GAREM1: variants seen among roughly 807,000 people sequenced by gnomAD.
GAREM1 encodes GRB2-associated and regulator of MAPK protein 1.
GAREM1 carries 26 observed loss-of-function variants against 71.3 expected under a neutral mutation model. The observed-to-expected ratio is 0.36, with a 90% CI of 0.27 to 0.51. GAREM1 has a LOEUF of 0.51. Ranked by LOEUF, GAREM1 falls within the 20% of genes least tolerant of loss-of-function variation. GAREM1 has a pLI of 0.95. For missense variants in GAREM1, 1,026 were observed against 1,103.1 expected (o/e 0.93, Z 0.99); for synonymous variants, 440 against 433.2 (o/e 1.02, Z -0.20).
chr18:32,365,446 T>C (rs2047921285), intron 2 of GAREM1, among the ~76,000 whole-genome samples: 1 of 152,184 alleles, frequency 6.6e-6, no homozygotes, highest in Admixed American at 6.5e-5. Context: ...TACATATCAA[T>C]GAGATTTCCT....
intron 4 of GAREM1, among the ~76,000 whole-genome samples, chr18:32,279,590 CA>C (rs1835734125): frequency 6.6e-6 from 1 of 152,106 alleles, no homozygotes; most frequent in African/African-American, 2.4e-5. Flanking sequence ...TCAGGGCTCC[CA>C]CTGATTCTAC....
At chr18:32,411,971 C>T (rs1226302259) in intron 1 of GAREM1, among the ~76,000 whole-genome samples, 3 of 152,038 alleles carry the variant, frequency 2.0e-5, no homozygotes, top group Non-Finnish European at 4.4e-5. Context: ...CATTAAAACG[C>T]TTTGTTGGAA....
chr18:32,458,524 T>A (rs1312309790), intron 1 of GAREM1, among the ~76,000 whole-genome samples: 1 of 152,004 alleles, frequency 6.6e-6, no homozygotes, highest in African/African-American at 2.4e-5. Context: ...TTATGAACAT[T>A]GACTGCTGAA....
intron 3 of GAREM1, among the ~76,000 whole-genome samples, chr18:32,301,196 C>T (rs978785210): frequency 2.6e-5 from 4 of 152,240 alleles, no homozygotes; most frequent in South Asian, 2.1e-4. Context: ...TTAGTCATGT[C>T]GGTGTATCTT....
chr18:32,305,324 A>G lies in GAREM1; in HGVS notation c.393+4869T>C, dbSNP rs189210982. On this transcript the variant is annotated intron_variant, in intron 3 of 5. Transcript: ENST00000269209. ...CCACCCCAGCTGCTCACTCAAATGG[A>G]CATACTTAGATCAGAAAATAAAGCT... is the stretch of plus-strand genomic sequence containing the variant. Among the ~76,000 whole-genome samples, 267 of 152,234 alleles carry G rather than the reference A, an allele frequency of 1.8e-3. 1 individual carries two copies. The highest frequency in any genetic ancestry group is 6.4e-3 in the African/African-American group (264 of 41,528).
chr18:32,338,655 A>G (rs1428121368), intron 2 of GAREM1, among the ~76,000 whole-genome samples: 1 of 152,210 alleles, frequency 6.6e-6, no homozygotes, highest in Non-Finnish European at 1.5e-5. Context: ...TGGACACTTG[A>G]CATTTAAGCT....
chr18:32,269,097 C>CA (rs1167601038), intron 5 of GAREM1, among the ~76,000 whole-genome samples: 4 of 151,990 alleles, frequency 2.6e-5, no homozygotes, highest in African/African-American at 9.7e-5. Flanking sequence ...CAACAGGTGC[C>CA]ATGATTGATG....
At position 32,268,317 on chromosome 18, in the gene GAREM1, C is replaced by A. The variant is rs745343515; in HGVS notation, c.2185G>T (p.Ala729Ser). The change falls in exon 6 of 6, where the codon GCT becomes TCT. Residue 729 changes from alanine (A) to serine (S), a missense_variant. Around this residue, in one of 3 missense-constraint regions of GAREM1, gnomAD observed 636 missense variants for 631.2 expected, o/e 1.01. Coordinates refer to ENST00000269209, the MANE Select transcript of GAREM1 (RefSeq NM_001242409.2). ...ACCTTCTCTTCCACTAGTTTTGGAG[C>A]CCTGGGGGGTAAGGCAGGGCATGAC... is the stretch of plus-strand genomic sequence containing the variant. ...STSCPALPPR[A>S]PKLVEEKVAS... 6.2e-7 allele frequency: 1 copy of A among 1,614,098 alleles called. No individual in the cohort carries two copies. Among genetic ancestry groups the A allele is most frequent in the Non-Finnish European group, 8.5e-7 (1 of 1,180,018 alleles).
At chr18:32,467,868 A>G (rs1347857726) in intron 1 of GAREM1, among the ~76,000 whole-genome samples, 13 of 152,172 alleles carry the variant, frequency 8.5e-5, no homozygotes, top group Admixed American at 8.5e-4. Flanking sequence ...CACCTATAAC[A>G]TTTATAAATA....
chr18:32,274,827 T>C (rs766406314), intron 4 of GAREM1, among the ~76,000 whole-genome samples: 1 of 152,098 alleles, frequency 6.6e-6, no homozygotes, highest in Non-Finnish European at 1.5e-5. Flanking sequence ...AGCTAAAATG[T>C]AGGGACTGCC....
intron 3 of GAREM1, among the ~76,000 whole-genome samples, chr18:32,303,133 T>C (rs2047216661): frequency 6.6e-6 from 1 of 152,216 alleles, no homozygotes; most frequent in Non-Finnish European, 1.5e-5. Context: ...AACTTGTTAC[T>C]TTGCCTCTGA....
rs114495343 is a variant in GAREM1, at chr18:32,303,563, A to G, written c.393+6630T>C. On this transcript the variant is annotated intron_variant, in intron 3 of 5. Transcript: ENST00000269209. ...TGAAGGGGTATTTCGAAACCACAACAAAGAACAGCTACTATGTACTGAGTT... is the reference window on the plus strand; with the variant it reads ...TGAAGGGGTATTTCGAAACCACAACGAAGAACAGCTACTATGTACTGAGTT... 3.6e-3 allele frequency among the ~76,000 whole-genome samples: 541 copies of G among 152,294 alleles called. 2 individuals are homozygous for G. The highest frequency in any genetic ancestry group is 0.012 in the African/African-American group (519 of 41,576).
intron 2 of GAREM1, among the ~76,000 whole-genome samples, chr18:32,317,718 T>C (rs544680365): frequency 2.0e-5 from 3 of 148,382 alleles, no homozygotes; most frequent in Admixed American, 6.7e-5. Flanking sequence ...TTTTAAAGAA[T>C]GTAACATTCT....
In GAREM1 at chr18:32,387,429, G is replaced by A. The variant is rs147830937; in HGVS notation, c.262+5466C>T. 3.1e-3 allele frequency among the ~76,000 whole-genome samples: 479 copies of A among 152,254 alleles called. 4 individuals carry two copies. The highest frequency in any genetic ancestry group is 0.011 in the African/African-American group (460 of 41,536). On this transcript the variant is annotated intron_variant, in intron 2 of 5. Transcript: ENST00000269209. ...TCTTGAGTTCTGTATTGTACATTTC[G>A]TAGGAAAGGTTTGCCCCTTTGGTAG...
chr18:32,364,980 G>A (rs2047916009), intron 2 of GAREM1, among the ~76,000 whole-genome samples: 1 of 152,080 alleles, frequency 6.6e-6, no homozygotes, highest in Non-Finnish European at 1.5e-5. Flanking sequence ...GAAAGAAACT[G>A]ATCTTCAGAG....
intron 1 of GAREM1, among the ~76,000 whole-genome samples, chr18:32,415,402 A>AAAACAAAC (rs141783432): frequency 2.0e-5 from 3 of 151,930 alleles, no homozygotes; most frequent in South Asian, 4.1e-4. Context: ...AAGGCACATC[A>AAAACAAAC]AAACAAACAA....
chr18:32,281,225 C>T (rs541236057), intron 4 of GAREM1, among the ~76,000 whole-genome samples: 108 of 152,166 alleles, frequency 7.1e-4, no homozygotes, highest in Non-Finnish European at 1.2e-3. Flanking sequence ...CAATGCTGCA[C>T]GCCTCTAATT....
At chr18:32,273,421 C>T (rs780872462) in intron 4 of GAREM1, among the ~76,000 whole-genome samples, 5 of 151,336 alleles carry the variant, frequency 3.3e-5, no homozygotes, top group Non-Finnish European at 4.4e-5. Flanking sequence ...AAGGAACTCC[C>T]GAACTCCCCT....
chr18:32,305,957 T>C (rs1004669057), intron 3 of GAREM1, among the ~76,000 whole-genome samples: 6 of 152,198 alleles, frequency 3.9e-5, no homozygotes, highest in African/African-American at 1.2e-4. Flanking sequence ...GTCTACTCTA[T>C]ACCTGCATCG....
Sources: gnomAD v4.1 joint callset for allele counts (sites outside exome capture counted in the v4.1 genomes callset) on GRCh38, gnomAD v4.1.1 for gene constraint, gnomAD v4.1.1 regional missense constraint, MANE v1.5 for transcripts, NCBI Gene and HGNC (gene_info 2026-07-23, HGNC 2026-07-21) for gene names.